The following WDCP variants were observed in gnomAD, a reference collection of about 807,000 sequenced individuals.
WDCP encodes WD repeat and coiled coil containing.
A neutral mutation model predicts 41.6 loss-of-function variants in WDCP; 19 were observed. The ratio of observed to expected loss-of-function variants is 0.46; its 90% CI spans 0.32 to 0.67. The LOEUF is 0.67. Among genes scored for constraint, WDCP ranks in the 30% least tolerant of loss-of-function variants. WDCP has a pLI of 0.04. For missense variants in WDCP, 802 were observed against 850.7 expected (o/e 0.94, Z 0.71); for synonymous variants, 302 against 320.8 (o/e 0.94, Z 0.63).
At chr2:24,035,941 T>C (rs1156944460) in intron 2 of WDCP, among the ~76,000 whole-genome samples, 4 of 151,166 alleles carry the variant, frequency 2.6e-5, no homozygotes, top group Admixed American at 2.0e-4. Flanking sequence ...TGGTGGCACG[T>C]GCCTGTAATC....
Position 24,039,232 on chromosome 2 carries a change from C to CA in WDCP, c.262dup (p.Trp88LeufsTer20). 1 of 1,614,220 alleles carries CA rather than the reference C, an allele frequency of 6.2e-7. No homozygotes were observed. Among genetic ancestry groups the CA allele is most frequent in the Non-Finnish European group, 8.5e-7 (1 of 1,180,046 alleles). ...CTCCATAGGGCTGGGACACAGCTGCCACACAGTGACATGCTTCTCATGCTG... is the reference window on the plus strand; with the variant it reads ...CTCCATAGGGCTGGGACACAGCTGCCAACACAGTGACATGCTTCTCATGCTG... On this transcript the variant is annotated frameshift_variant, in exon 2 of 4. Coordinates refer to ENST00000295148, the MANE Select transcript of WDCP (RefSeq NM_025203.3). LOFTEE classifies it high-confidence loss of function.
At chr2:24,034,637 G>A (rs932560672) in intron 2 of WDCP, among the ~76,000 whole-genome samples, 28 of 148,428 alleles carry the variant, frequency 1.9e-4, no homozygotes, top group East Asian at 6.0e-4. Flanking sequence ...GCAGTGGCAC[G>A]ATCACAGCTC....
Position 24,038,707 on chromosome 2 carries a change from TC to T in WDCP, c.787del (p.Glu263ArgfsTer18). 6.2e-7 allele frequency: 1 copy of T among 1,614,216 alleles called. No individual in the cohort carries two copies. The highest frequency in any genetic ancestry group is 1.3e-5 in the African/African-American group (1 of 75,066). ...AGAATTTGTTTCAGAATCAGTTGCC[TC>T]TTTATCCATAGAGCGTACTTCACCA... ...VIGEVRSMDKEATDSETNSEV... is the reference protein window; with the variant it reads ...VIGEVRSMDKXATDSETNSEV... On this transcript the variant is annotated frameshift_variant, in exon 2 of 4. Transcript: ENST00000295148. LOFTEE classifies it high-confidence loss of function.
intron 2 of WDCP, among the ~76,000 whole-genome samples, chr2:24,034,943 GA>G (rs1663199214): frequency 6.6e-6 from 1 of 151,760 alleles, no homozygotes; most frequent in African/African-American, 2.4e-5. Flanking sequence ...TTTAAAAACA[GA>G]AAGATATATT....
At chr2:24,036,148 A>G (rs1663249524) in intron 2 of WDCP, among the ~76,000 whole-genome samples, 1 of 151,792 alleles carries the variant, frequency 6.6e-6, no homozygotes, top group African/African-American at 2.4e-5. Flanking sequence ...CTTAAAAAAA[A>G]AAATTAAAAC....
Position 24,033,056 on chromosome 2 carries a change from A to G in WDCP, c.1819-110T>C, listed in dbSNP as rs1325336810. The stretch of plus-strand genomic sequence containing the variant: ...TTTTAAAAAATTCTTATCTATTACC[A>G]CTAATCAACTGGACTTCAGTTTTAA... On this transcript the variant is annotated intron_variant, in intron 2 of 3. Coordinates refer to ENST00000295148, the MANE Select transcript of WDCP (RefSeq NM_025203.3). The G allele has an allele frequency of 6.7e-6, 5 of 743,390 alleles. No individual in the cohort carries two copies. In the East Asian group the frequency reaches 1.3e-4, roughly 19 times the overall value. The allele number at this position is 743,390 out of a possible 1,614,324, so 46.0% of individuals were successfully genotyped here. A position where few individuals can be genotyped will look rare whatever the true frequency, so the allele number is the denominator to read the frequency against.
chr2:24,031,207 C>T lies in WDCP; in HGVS notation c.1937-45G>A, dbSNP rs752066854. 3 of 1,432,812 alleles carry T rather than the reference C, an allele frequency of 2.1e-6. No individual in the cohort carries two copies. In the Admixed American group the frequency reaches 5.8e-5, roughly 28 times the overall value. The allele number at this position is 1,432,812 out of a possible 1,614,324, so 88.8% of individuals were successfully genotyped here. A position where few individuals can be genotyped will look rare whatever the true frequency, so the allele number is the denominator to read the frequency against. On this transcript the variant is annotated intron_variant, in intron 3 of 3. Transcript: ENST00000295148. ...CACAGGCAATTTAGTATATATTATT[C>T]TTATGATGAAACATATGACTACAAA...
rs564772738 is a variant in WDCP at position 24,037,651 on chromosome 2, T to A, written c.1818+26A>T. Reference sequence around the variant, plus strand: ...CGGCTGCAGGAGCTTTTATGTATAGTGGTAGTTCCTCAAAGGAGAATTTAC... The same window carrying A: ...CGGCTGCAGGAGCTTTTATGTATAGAGGTAGTTCCTCAAAGGAGAATTTAC... On this transcript the variant is annotated intron_variant, in intron 2 of 3. Coordinates refer to ENST00000295148, the MANE Select transcript of WDCP (RefSeq NM_025203.3). 3 of 1,583,042 alleles carry A rather than the reference T, an allele frequency of 1.9e-6. No individual in the cohort carries two copies. In the African/African-American group the frequency reaches 4.1e-5, roughly 21 times the overall value.
rs115542333 is a variant in WDCP at position 24,032,053 on chromosome 2, C to T, written c.1936+776G>A. ...CATATGTTTTGGCACCTATACTAGG[C>T]CTGGGTATATAGTAGGCAATTAATA... On this transcript the variant is annotated intron_variant, in intron 3 of 3. Coordinates refer to ENST00000295148, the MANE Select transcript of WDCP (RefSeq NM_025203.3). Among the ~76,000 whole-genome samples, 1,434 of 152,262 alleles carry T rather than the reference C, an allele frequency of 9.4e-3. 15 individuals carry two copies. The highest frequency in any genetic ancestry group is 0.033 in the African/African-American group (1,366 of 41,556).
chr2:24,033,298 A>G (rs952988881), intron 2 of WDCP: 2 of 389,260 alleles, frequency 5.1e-6, no homozygotes, highest in South Asian at 2.1e-5. Flanking sequence ...TAGCTAAGAC[A>G]CCTCATGGTT....
chr2:24,040,622 T>C (rs1022263047), intron 1 of WDCP, among the ~76,000 whole-genome samples: 5 of 152,268 alleles, frequency 3.3e-5, no homozygotes, highest in African/African-American at 1.2e-4. Context: ...CATTTTATCT[T>C]ACAATAATCT....
chr2:24,042,140 G>A (rs1663461032), intron 1 of WDCP, among the ~76,000 whole-genome samples: 1 of 152,082 alleles, frequency 6.6e-6, no homozygotes, highest in South Asian at 2.1e-4. Flanking sequence ...GGCAGCTCAC[G>A]CCTGTAATCC....
Position 24,039,469 on chromosome 2 carries a change from A to T in WDCP, c.26T>A (p.Leu9His). 2 of 1,612,496 alleles carry T rather than the reference A, an allele frequency of 1.2e-6. No individual in the cohort carries two copies. The highest frequency in any genetic ancestry group is 2.2e-5 in the South Asian group (2 of 91,044). ...ATGCAACGCATTCAGTCCAGTCCTG[A>T]GTAGTTTTCCTTTTCCCAACTCCAT... MELGKGKL[L>H]RTGLNALHQA... Residue 9 changes from leucine (L) to histidine (H), a missense_variant, in exon 2 of 4, where the codon CTC becomes CAC. Coordinates refer to ENST00000295148, the MANE Select transcript of WDCP (RefSeq NM_025203.3).
At chr2:24,043,855 C>A (rs1190881856) in intron 1 of WDCP, among the ~76,000 whole-genome samples, 3 of 151,678 alleles carry the variant, frequency 2.0e-5, no homozygotes, top group Non-Finnish European at 4.4e-5. Flanking sequence ...TATCTCCTTG[C>A]TAGCTTTGTC....
Position 24,029,397 on chromosome 2 carries a change from A to C in WDCP, c.*1536T>G, listed in dbSNP as rs909528666. 1 of 152,206 alleles carries C rather than the reference A, an allele frequency of 6.6e-6. No homozygotes were observed. Among genetic ancestry groups the C allele is most frequent in the Non-Finnish European group, 1.5e-5 (1 of 68,026 alleles). The allele number at this position is 152,206 out of a possible 1,614,324, so 9.4% of individuals were successfully genotyped here. A position where few individuals can be genotyped will look rare whatever the true frequency, so the allele number is the denominator to read the frequency against. ...CTTATTCACAGTATTTTGACCTGAG[A>C]AATGGTGATTTTAACATACCCTTTT... On this transcript the variant is annotated 3_prime_UTR_variant, in exon 4 of 4. Transcript: ENST00000295148.
chr2:24,035,936 GCAC>G (rs1663237768), intron 2 of WDCP, among the ~76,000 whole-genome samples: 1 of 151,802 alleles, frequency 6.6e-6, no homozygotes, highest in African/African-American at 2.4e-5. Context: ...AGGTGTGGTG[GCAC>G]GTGCCTGTAA....
At chr2:24,036,951 TATA>T (rs1378526967) in intron 2 of WDCP, among the ~76,000 whole-genome samples, 1 of 152,262 alleles carries the variant, frequency 6.6e-6, no homozygotes, top group Non-Finnish European at 1.5e-5. Flanking sequence ...TAAAAACATG[TATA>T]ATATGATCCC....
intron 2 of WDCP, 167 bp from the exon 3 acceptor site, chr2:24,033,113 A>G: frequency 1.4e-6 from 1 of 701,860 alleles, no homozygotes; most frequent in Non-Finnish European, 2.7e-6. Flanking sequence ...TAACACAACT[A>G]AAAAATCCGA....
chr2:24,042,154 C>A (rs1371560383), intron 1 of WDCP, among the ~76,000 whole-genome samples: 1 of 152,062 alleles, frequency 6.6e-6, no homozygotes, highest in Non-Finnish European at 1.5e-5. Flanking sequence ...GTAATCCCAG[C>A]ACTTTGGGAG....
Sources: allele counts gnomAD v4.1 joint callset (sites outside exome capture counted in the v4.1 genomes callset), GRCh38; gene constraint gnomAD v4.1.1; transcripts MANE v1.5; gene names NCBI Gene and HGNC (gene_info 2026-07-23, HGNC 2026-07-21).